The following TRAF1 variants were observed in gnomAD, a reference collection of about 807,000 sequenced individuals.
TRAF1 encodes the protein TNF receptor-associated factor 1.
TRAF1 carries 23 observed loss-of-function variants against 40.9 expected under a neutral mutation model. That is an observed-to-expected ratio of 0.56 (90% CI 0.40 to 0.80). TRAF1 has a LOEUF of 0.80. TRAF1 is among the 30% of genes least tolerant of loss of function. The pLI is 0.00. For missense variants in TRAF1, 477 were observed against 528.7 expected (o/e 0.90, Z 0.96); for synonymous variants, 206 against 218.8 (o/e 0.94, Z 0.52).
At chr9:120,910,674 GACATGAGCCACT>G (rs1016521581) in intron 6 of TRAF1, among the ~76,000 whole-genome samples, 3 of 152,202 alleles carry the variant, frequency 2.0e-5, no homozygotes, top group African/African-American at 7.2e-5. Context: ...TAGGATTATA[GACATGAGCCACT>G]GCACGCAGTC....
intron 5 of TRAF1, among the ~76,000 whole-genome samples, chr9:120,912,577 A>C (rs1029251491): frequency 6.6e-6 from 1 of 152,030 alleles, no homozygotes; most frequent in Non-Finnish European, 1.5e-5. Context: ...GAATCGCTTG[A>C]ACCTGGGAGT....
chr9:120,924,607 G>T (rs2046626583), intron 2 of TRAF1, among the ~76,000 whole-genome samples: 2 of 152,064 alleles, frequency 1.3e-5, no homozygotes, highest in Non-Finnish European at 2.9e-5. Context: ...TAGAGATGAG[G>T]TTTCACCTTG....
At chr9:120,919,537 C>T (rs1014108682) in intron 3 of TRAF1, among the ~76,000 whole-genome samples, 5 of 152,228 alleles carry the variant, frequency 3.3e-5, no homozygotes, top group Admixed American at 2.6e-4. Flanking sequence ...CCTACCCCCA[C>T]ACTGGGCTGA....
chr9:120,909,138 GC>G, intron 7 of TRAF1, 91 bp downstream of exon 7: 1 of 1,488,094 alleles, frequency 6.7e-7, no homozygotes. Flanking sequence ...TGGGGGACTT[GC>G]CAGGTCACAT....
upstream of TRAF1, chr9:120,928,862 G>A (rs532249599): frequency 4.6e-5 from 7 of 152,396 alleles, no homozygotes; most frequent in East Asian, 1.4e-3. Flanking sequence ...CCAGTTGCGA[G>A]GGCAGCGCTG....
chr9:120,909,544 G>C (rs1264673531), intron 6 of TRAF1, among the ~76,000 whole-genome samples, 166 bp from the exon 7 acceptor site: 1 of 152,160 alleles, frequency 6.6e-6, no homozygotes, highest in Non-Finnish European at 1.5e-5. Context: ...ATGGGCTCTT[G>C]GGGGTCATCT....
intron 6 of TRAF1, 87 bp downstream of exon 6, chr9:120,911,249 C>T: frequency 6.9e-7 from 1 of 1,456,012 alleles, no homozygotes. Flanking sequence ...GTGTCTGTCA[C>T]AGAGCTGGCA....
At chr9:120,922,976 C>T (rs2046614769) in intron 3 of TRAF1, among the ~76,000 whole-genome samples, 1 of 152,122 alleles carries the variant, frequency 6.6e-6, no homozygotes, top group Non-Finnish European at 1.5e-5. Flanking sequence ...CTAACTGGGA[C>T]TACAGGCATG....
rs2046464184 is a variant in TRAF1, at chr9:120,904,522, C to T, written c.*498G>A. 6.4e-6 allele frequency: 1 copy of T among 157,222 alleles called. No individual in the cohort carries two copies. The allele number at this position is 157,222 out of a possible 1,614,324, so 9.7% of individuals were successfully genotyped here. ...CCGTCTGGGTTTGCTTGTTCACCTCCAATGACGAGCCTGGACAGACTGCAT... is the reference window on the plus strand; with the variant it reads ...CCGTCTGGGTTTGCTTGTTCACCTCTAATGACGAGCCTGGACAGACTGCAT... On this transcript the variant is annotated 3_prime_UTR_variant, in exon 8 of 8. Coordinates refer to ENST00000373887, the MANE Select transcript of TRAF1 (RefSeq NM_005658.5).
chr9:120,905,136 T>C lies in TRAF1; in HGVS notation c.1135A>G (p.Asn379Asp). The C allele has an allele frequency of 6.2e-7, 1 of 1,614,252 alleles. No homozygotes were observed. ...ASFQRPQSET[N>D]VASGCPLFFP... ...AAGAGTGGGCATCCACTGGCCACGT[T>C]GGTTTCACTCTGGGGCCTCTGGAAG... The change falls in exon 8 of 8, where the codon AAC becomes GAC. Residue 379 changes from asparagine to aspartate, a missense_variant. By Grantham distance (23) the Asn-to-Asp change is conservative. Coordinates refer to ENST00000373887, the MANE Select transcript of TRAF1 (RefSeq NM_005658.5).
chr9:120,912,978 G>C (rs1243159000), intron 5 of TRAF1, among the ~76,000 whole-genome samples: 3 of 152,212 alleles, frequency 2.0e-5, no homozygotes, highest in African/African-American at 2.4e-5. Flanking sequence ...GGCTCTGAGG[G>C]GCAGGGCCAG....
intron 5 of TRAF1, among the ~76,000 whole-genome samples, chr9:120,912,668 AAAAG>A (rs919846083): frequency 1.3e-4 from 14 of 104,884 alleles, no homozygotes; most frequent in African/African-American, 3.7e-4. Context: ...AGGAAAAAAA[AAAAG>A]AAAGAAAGAA....
intron 3 of TRAF1, among the ~76,000 whole-genome samples, chr9:120,919,200 G>A (rs1421216285): frequency 6.6e-6 from 1 of 152,222 alleles, no homozygotes; most frequent in African/African-American, 2.4e-5. Context: ...CTGTGTGAGT[G>A]GCCTCACTGC....
At chr9:120,918,229 G>A (rs2046581817) in intron 3 of TRAF1, among the ~76,000 whole-genome samples, 1 of 152,092 alleles carries the variant, frequency 6.6e-6, no homozygotes, top group Non-Finnish European at 1.5e-5. Flanking sequence ...GCCATGTGAG[G>A]TCACATACTC....
At chr9:120,910,317 T>C (rs562110241) in intron 6 of TRAF1, among the ~76,000 whole-genome samples, 491 of 152,168 alleles carry the variant, frequency 3.2e-3, no homozygotes, top group African/African-American at 0.011. Flanking sequence ...AAGAGAGCTG[T>C]CCCAACACAG....
At chr9:120,908,493 C>A (rs994214447) in intron 7 of TRAF1, among the ~76,000 whole-genome samples, 16 of 152,092 alleles carry the variant, frequency 1.1e-4, no homozygotes, top group African/African-American at 3.6e-4. Flanking sequence ...TTACAAAATA[C>A]AAAACAACAA....
intron 3 of TRAF1, among the ~76,000 whole-genome samples, chr9:120,916,907 T>C (rs1481442013): frequency 6.6e-6 from 1 of 152,148 alleles, no homozygotes; most frequent in African/African-American, 2.4e-5. Context: ...CCTTGGTGAA[T>C]ATACCTGGGG....
At position 120,909,365 on chromosome 9, in the gene TRAF1, G is replaced by T; in HGVS notation, c.897C>A (p.Ala299=). Residue 299 remains alanine, a synonymous_variant, in exon 7 of 8, where the codon GCC becomes GCA. Coordinates refer to ENST00000373887, the MANE Select transcript of TRAF1 (RefSeq NM_005658.5). ...VSLFSPAFYT[A]KYGYKLCLRL... ...GCAGGCACAACTTGTAGCCATACTT[G>T]GCAGTGTAGAAGGCTGAAACGCAGA... 1.2e-6 allele frequency: 2 copies of T among 1,614,008 alleles called. No individual in the cohort carries two copies. Among genetic ancestry groups the T allele is most frequent in the South Asian group, 1.1e-5 (1 of 91,070 alleles).
At chr9:120,923,684 T>G (rs748240205) in intron 3 of TRAF1, 21 bp downstream of exon 3, 2 of 1,613,388 alleles carry the variant, frequency 1.2e-6, no homozygotes, top group South Asian at 2.2e-5. Flanking sequence ...ACAAATGCCT[T>G]TCTGTGATGT....
Sources: gnomAD v4.1 joint callset for allele counts (sites outside exome capture counted in the v4.1 genomes callset) on GRCh38, gnomAD v4.1.1 for gene constraint, MANE v1.5 for transcripts, NCBI Gene and HGNC (gene_info 2026-07-23, HGNC 2026-07-21) for gene names.